Variants in DGKI observed in about 807,000 individuals in gnomAD.
DGKI encodes the protein diacylglycerol kinase iota.
In DGKI, 55 loss-of-function variants were observed where a neutral mutation model predicts 147.5. That is an observed-to-expected ratio of 0.37 (90% CI 0.30 to 0.47). The LOEUF (loss-of-function observed/expected upper bound fraction) is 0.47, where lower values mean the gene tolerates loss of function less well. DGKI is among the 20% of genes least tolerant of loss of function. The pLI is 1.00. For missense variants in DGKI, 1,007 were observed against 1,323.8 expected (o/e 0.76, Z 3.71); for synonymous variants, 469 against 477.1 (o/e 0.98, Z 0.22).
At chr7:137,689,560 G>A (rs190424009) in intron 2 of DGKI, among the ~76,000 whole-genome samples, 3 of 152,332 alleles carry the variant, frequency 2.0e-5, no homozygotes, top group East Asian at 1.9e-4. Flanking sequence ...CTTAGATTGC[G>A]AGATGTTGCA....
intron 10 of DGKI, among the ~76,000 whole-genome samples, chr7:137,600,205 C>T (rs549115412): frequency 6.6e-5 from 10 of 152,186 alleles, no homozygotes; most frequent in Admixed American, 1.3e-4. Flanking sequence ...GCCGAGATCA[C>T]ACCATTGCAC....
intron 27 of DGKI, among the ~76,000 whole-genome samples, chr7:137,452,201 T>C (rs958778895): frequency 6.6e-6 from 1 of 152,180 alleles, no homozygotes; most frequent in Non-Finnish European, 1.5e-5. Context: ...GGGCTTAAGA[T>C]AAACATGCAG....
chr7:137,498,465 G>A (rs1816050847), intron 21 of DGKI, among the ~76,000 whole-genome samples: 1 of 152,100 alleles, frequency 6.6e-6, no homozygotes, highest in South Asian at 2.1e-4. Flanking sequence ...AATAACTACA[G>A]AACAATATAA....
chr7:137,545,855 C>G, intron 20 of DGKI: 1 of 691,990 alleles, frequency 1.4e-6, no homozygotes, highest in Middle Eastern at 2.3e-4. Flanking sequence ...CCTGAGGAGA[C>G]GAGGCTGGGG....
intron 27 of DGKI, among the ~76,000 whole-genome samples, chr7:137,455,267 G>A (rs1454718690): frequency 6.6e-6 from 1 of 152,008 alleles, no homozygotes; most frequent in Non-Finnish European, 1.5e-5. Context: ...GCTTCCTCCT[G>A]ACTCTAATGT....
chr7:137,462,039 T>A (rs182350683), intron 27 of DGKI, among the ~76,000 whole-genome samples: 390 of 152,258 alleles, frequency 2.6e-3, no homozygotes, highest in Non-Finnish European at 4.2e-3. Context: ...ATGTTATATA[T>A]AGAAAAATCA....
chr7:137,578,148 A>G (rs777504879), intron 16 of DGKI, 122 bp downstream of exon 16: 11 of 645,610 alleles, frequency 1.7e-5, no homozygotes, highest in Non-Finnish European at 2.7e-5. Context: ...CAGTAACCAT[A>G]GATAGACATA....
chr7:137,696,431 CTTTTTTTTTTTTTTT>C (rs10609322), intron 1 of DGKI, among the ~76,000 whole-genome samples: 41 of 36,696 alleles, frequency 1.1e-3, no homozygotes, highest in South Asian at 9.0e-3. Context: ...GCCCAAAAGA[CTTTTTTTTTTTTTTT>C]TTTTTTTTTT....
chr7:137,447,973 C>T (rs1433028081), intron 27 of DGKI, among the ~76,000 whole-genome samples: 2 of 152,140 alleles, frequency 1.3e-5, no homozygotes, highest in East Asian at 1.9e-4. Context: ...AAAGGAAATA[C>T]CCTCTTTGAT....
rs754009732 is a variant in DGKI at position 137,846,610 on chromosome 7, C to CCTCGGCGCCCAGGCAGCAGCT, written c.232_252dup (p.Ser78_Glu84dup). The CCTCGGCGCCCAGGCAGCAGCT allele has an allele frequency of 1.8e-5, 20 of 1,098,462 alleles. No homozygotes were observed. Among genetic ancestry groups the CCTCGGCGCCCAGGCAGCAGCT allele is most frequent in the African/African-American group, 1.7e-5 (1 of 59,390 alleles). The allele number at this position is 1,098,462 out of a possible 1,614,324, so 68.0% of individuals were successfully genotyped here. ...CCTGCGCCCCGCGGGTCCGCGCCGC[C>CCTCGGCGCCCAGGCAGCAGCT]CTCGGCGCCCAGGCAGCAGCTCCCG... On this transcript the variant is annotated inframe_insertion, in exon 1 of 33. Transcript: ENST00000614521. The surrounding 1 kb of genome is among the most constrained non-coding windows in gnomAD (Gnocchi z 4.0).
chr7:137,746,171 A>T (rs746799763), intron 1 of DGKI, among the ~76,000 whole-genome samples: 1 of 152,110 alleles, frequency 6.6e-6, no homozygotes, highest in Non-Finnish European at 1.5e-5. Flanking sequence ...TTGGTTCCCA[A>T]AGCTTAAATT....
At chr7:137,496,593 C>CA (rs1815974054) in intron 21 of DGKI, among the ~76,000 whole-genome samples, 1 of 135,468 alleles carries the variant, frequency 7.4e-6, no homozygotes, top group African/African-American at 3.7e-5. Flanking sequence ...GATACTGGTA[C>CA]AAAAACAGAC....
intron 20 of DGKI, among the ~76,000 whole-genome samples, chr7:137,524,855 C>T (rs898241970): frequency 6.6e-6 from 1 of 152,130 alleles, no homozygotes; most frequent in Admixed American, 6.6e-5. Context: ...GCAGTAGTTG[C>T]AAATGGGAAA....
chr7:137,533,782 T>C (rs914153603), intron 20 of DGKI, among the ~76,000 whole-genome samples: 4 of 152,062 alleles, frequency 2.6e-5, no homozygotes, highest in African/African-American at 9.7e-5. Flanking sequence ...ATTCTTCCAA[T>C]GGTACTTTCA....
intron 28 of DGKI, among the ~76,000 whole-genome samples, chr7:137,414,107 T>C (rs192056781): frequency 1.3e-5 from 2 of 152,314 alleles, no homozygotes; most frequent in Admixed American, 6.5e-5. Flanking sequence ...TTAAATTACA[T>C]AGAGTCCCCA....
intron 2 of DGKI, among the ~76,000 whole-genome samples, chr7:137,682,163 C>A (rs1823261903): frequency 6.6e-6 from 1 of 151,824 alleles, no homozygotes. Flanking sequence ...GGGTCCCGAA[C>A]TTGCAACTGA....
chr7:137,556,533 C>A (rs542922700), intron 19 of DGKI, among the ~76,000 whole-genome samples: 1 of 152,136 alleles, frequency 6.6e-6, no homozygotes, highest in South Asian at 2.1e-4. Flanking sequence ...AATTAAAAAA[C>A]CAATAGTATT....
chr7:137,678,682 T>A (rs1305807519), intron 2 of DGKI, 30 bp from the exon 3 acceptor site: 1 of 1,499,668 alleles, frequency 6.7e-7, no homozygotes, highest in Admixed American at 1.8e-5. Context: ...CTGACATCAA[T>A]TTTTTTTTTC....
chr7:137,646,610 A>G (rs1259914657), intron 5 of DGKI, among the ~76,000 whole-genome samples: 1 of 152,214 alleles, frequency 6.6e-6, no homozygotes, highest in Admixed American at 6.5e-5. Context: ...TCTGACACCA[A>G]TACCCCTAAA....
Sources: gnomAD v4.1 joint callset for allele counts (sites outside exome capture counted in the v4.1 genomes callset) on GRCh38, gnomAD v4.1.1 for gene constraint, Gnocchi (gnomAD v3.1) non-coding constraint, MANE v1.5 for transcripts, NCBI Gene and HGNC (gene_info 2026-07-23, HGNC 2026-07-21) for gene names.